Variants in SLCO2B1 observed in about 807,000 individuals in gnomAD.
SLCO2B1 encodes solute carrier organic anion transporter family member 2B1.
Under a neutral mutation model 67.3 loss-of-function variants are expected in SLCO2B1, and 41 were observed. The observed-to-expected ratio is 0.61, with a 90% CI of 0.47 to 0.79. The LOEUF (loss-of-function observed/expected upper bound fraction) is 0.79, where lower values mean the gene tolerates loss of function less well. Ranked by LOEUF, SLCO2B1 falls within the 30% of genes least tolerant of loss-of-function variation. The probability of loss-of-function intolerance (pLI) is 0.00; values close to 1 mark genes in which losing one functional copy is unlikely to be tolerated. For synonymous variants in SLCO2B1, 379 were observed against 381.4 expected, an observed-to-expected ratio of 0.99 and a Z score of 0.07; for missense variants, 837 against 920.1, an observed-to-expected ratio of 0.91 and a Z score of 1.17.
intron 8 of SLCO2B1, among the ~76,000 whole-genome samples, chr11:75,191,592 C>G (rs1272057289): frequency 6.6e-6 from 1 of 152,184 alleles, no homozygotes; most frequent in Non-Finnish European, 1.5e-5. Context: ...AACCAGCTGG[C>G]TTGGCCCTGC....
At chr11:75,186,771 A>G (rs1370848048) in intron 7 of SLCO2B1, among the ~76,000 whole-genome samples, 1 of 152,220 alleles carries the variant, frequency 6.6e-6, no homozygotes, top group Non-Finnish European at 1.5e-5. Flanking sequence ...CTGTGCCCAT[A>G]GCAACTTCTC....
In SLCO2B1 at chr11:75,179,218, A is replaced by ATTTTTTTTTTTTTTT. The variant is rs373993870; in HGVS notation, c.972+6662_972+6676dup. 2.8e-4 allele frequency among the ~76,000 whole-genome samples: 19 copies of ATTTTTTTTTTTTTTT among 66,686 alleles called. 6 individuals are homozygous for ATTTTTTTTTTTTTTT. Among genetic ancestry groups the ATTTTTTTTTTTTTTT allele is most frequent in the African/African-American group, 1.2e-3 (19 of 16,264 alleles). 43.7% of individuals were successfully genotyped at this position (66,686 alleles called of 152,430 possible). ...TGGGTATGTTTATTGGATACATGAG[A>ATTTTTTTTTTTTTTT]TTTTTTTTTTTTTTTTTTTTTTTTT... On this transcript the variant is annotated intron_variant, in intron 7 of 13. Transcript: ENST00000289575.
rs780048648 is a variant in SLCO2B1 at position 75,165,931 on chromosome 11, TACG to T, written c.433_435del (p.Asp145del). 3 of 1,614,052 alleles carry T rather than the reference TACG, an allele frequency of 1.9e-6. No individual in the cohort carries two copies. Among genetic ancestry groups the T allele is most frequent in the Non-Finnish European group, 2.5e-6 (3 of 1,179,952 alleles). On this transcript the variant is annotated inframe_deletion, in exon 4 of 14. Coordinates refer to ENST00000289575, the MANE Select transcript of SLCO2B1 (RefSeq NM_007256.5). ...GCACTTCATCTCGGAGCCATACCGC[TACG>T]ACAACACCAGCCCTGGTAAGAGCAG...
At position 75,203,300 on chromosome 11, in the gene SLCO2B1, C is replaced by T. The variant is rs753810368; in HGVS notation, c.1829-7C>T. On this transcript the variant is annotated splice_polypyrimidine_tract_variant and splice_region_variant and intron_variant, in intron 12 of 13. Coordinates refer to ENST00000289575, the MANE Select transcript of SLCO2B1 (RefSeq NM_007256.5). ...CTTCATTGTCCCCTGAGCACCACCTCCCTCAGCCTGGATGCCCAGCCCCGT... is the reference window on the plus strand; with the variant it reads ...CTTCATTGTCCCCTGAGCACCACCTTCCTCAGCCTGGATGCCCAGCCCCGT... 4 of 1,612,808 alleles carry T rather than the reference C, an allele frequency of 2.5e-6. No homozygotes were observed. The Admixed American group carries it at 5.0e-5, about 20-fold the overall frequency.
intron 1 of SLCO2B1, chr11:75,157,225 TA>T (rs1271103851): frequency 6.6e-6 from 1 of 152,236 alleles, no homozygotes; most frequent in Non-Finnish European, 1.5e-5. Context: ...GAAGTTTCTC[TA>T]AAGAACAATC....
At chr11:75,167,835 C>T (rs1457087897) in intron 4 of SLCO2B1, among the ~76,000 whole-genome samples, 2 of 151,844 alleles carry the variant, frequency 1.3e-5, no homozygotes, top group Non-Finnish European at 2.9e-5. Context: ...AGCTGCTGTT[C>T]TGAACTGCCG....
At chr11:75,153,378 G>T (rs772486356) in intron 1 of SLCO2B1, among the ~76,000 whole-genome samples, 1 of 152,196 alleles carries the variant, frequency 6.6e-6, no homozygotes, top group Non-Finnish European at 1.5e-5. Flanking sequence ...GCAGTCCCAG[G>T]TTCAAATTCC....
In SLCO2B1 at chr11:75,205,637, A is replaced by C. The variant is rs1267440713; in HGVS notation, c.*1057A>C. The C allele has an allele frequency of 2.0e-5, 3 of 152,274 alleles. No individual in the cohort carries two copies. The highest frequency in any genetic ancestry group is 6.5e-5 in the Admixed American group (1 of 15,290). The allele number at this position is 152,274 out of a possible 1,614,324, so 9.4% of individuals were successfully genotyped here. On this transcript the variant is annotated 3_prime_UTR_variant, in exon 14 of 14. Transcript: ENST00000289575. ...TTTGGGGGTGGCACCTGGTTCTCCG[A>C]TGCCTGGGCTGGTGTCAGGCCCAGG...
rs373993870 is a variant in SLCO2B1 at position 75,179,218 on chromosome 11, A to ATTTTTTTTTTTTTTTT, written c.972+6661_972+6676dup. On this transcript the variant is annotated intron_variant, in intron 7 of 13. Coordinates refer to ENST00000289575, the MANE Select transcript of SLCO2B1 (RefSeq NM_007256.5). The stretch of plus-strand genomic sequence containing the variant: ...TGGGTATGTTTATTGGATACATGAG[A>ATTTTTTTTTTTTTTTT]TTTTTTTTTTTTTTTTTTTTTTTTT... 1.0e-4 allele frequency among the ~76,000 whole-genome samples: 7 copies of ATTTTTTTTTTTTTTTT among 66,686 alleles called. 1 individual carries two copies. The highest frequency in any genetic ancestry group is 4.3e-4 in the African/African-American group (7 of 16,264). 43.7% of individuals were successfully genotyped at this position (66,686 alleles called of 152,430 possible).
At chr11:75,190,968 T>C (rs1215368690) in intron 8 of SLCO2B1, among the ~76,000 whole-genome samples, 1 of 152,210 alleles carries the variant, frequency 6.6e-6, no homozygotes, top group Non-Finnish European at 1.5e-5. Context: ...GTGAAAGGCA[T>C]AGCCTCTGCC....
rs1008111716 is a variant in SLCO2B1 at position 75,185,661 on chromosome 11, G to A, written c.973-2475G>A. On this transcript the variant is annotated intron_variant, in intron 7 of 13. Coordinates refer to ENST00000289575, the MANE Select transcript of SLCO2B1 (RefSeq NM_007256.5). ...GCTCTCACACAAGAAAGAATTCGGAGCAAGTCCATAGAGTAAAGTGAGAGC... is the reference window on the plus strand; with the variant it reads ...GCTCTCACACAAGAAAGAATTCGGAACAAGTCCATAGAGTAAAGTGAGAGC... 3.3e-5 allele frequency among the ~76,000 whole-genome samples: 5 copies of A among 152,124 alleles called. No homozygotes were observed. The South Asian group carries it at 1.0e-3, about 32-fold the overall frequency.
At chr11:75,199,337 C>A (rs1330399185) in intron 10 of SLCO2B1, among the ~76,000 whole-genome samples, 1 of 152,162 alleles carries the variant, frequency 6.6e-6, no homozygotes, top group Non-Finnish European at 1.5e-5. Flanking sequence ...TCTGATTCCA[C>A]CTGCTAAGTA....
chr11:75,183,765 C>T (rs1950115176), intron 7 of SLCO2B1, among the ~76,000 whole-genome samples: 1 of 152,192 alleles, frequency 6.6e-6, no homozygotes. Flanking sequence ...CTCAAGCAAT[C>T]CTGCTGCCTT....
chr11:75,164,040 A>G lies in SLCO2B1; in HGVS notation c.225A>G (p.Thr75=), dbSNP rs971399350. Residue 75 remains threonine, a synonymous_variant, in exon 3 of 14, where the codon ACA becomes ACG. Coordinates refer to ENST00000289575, the MANE Select transcript of SLCO2B1 (RefSeq NM_007256.5). The part of the protein sequence containing the change: ...ISGYLKSSIS[T]VEKRFGLSSQ... Reference sequence around the variant, plus strand: ...GCTACCTAAAGAGCTCCATCTCCACAGTGGAGAAGCGCTTCGGCCTCTCCA... The same window carrying G: ...GCTACCTAAAGAGCTCCATCTCCACGGTGGAGAAGCGCTTCGGCCTCTCCA... 2 of 1,607,860 alleles carry G rather than the reference A, an allele frequency of 1.2e-6. No homozygotes were observed. The highest frequency in any genetic ancestry group is 1.7e-6 in the Non-Finnish European group (2 of 1,177,318).
chr11:75,182,185 C>T (rs545316000), intron 7 of SLCO2B1, among the ~76,000 whole-genome samples: 4 of 152,326 alleles, frequency 2.6e-5, no homozygotes, highest in Non-Finnish European at 5.9e-5. Flanking sequence ...TCACTTCTCC[C>T]TGGATGTCAC....
Position 75,193,596 on chromosome 11 carries a change from G to A in SLCO2B1, c.1433+21G>A, listed in dbSNP as rs1265393248. Reference sequence around the variant, plus strand: ...ACCAGGTGAGTGTGTGCGTGGGCACGTAAAGGCAAGCCTGGGAGGACAGGA... The same window carrying A: ...ACCAGGTGAGTGTGTGCGTGGGCACATAAAGGCAAGCCTGGGAGGACAGGA... On this transcript the variant is annotated intron_variant, in intron 9 of 13. Coordinates refer to ENST00000289575, the MANE Select transcript of SLCO2B1 (RefSeq NM_007256.5). The surrounding 1 kb of genome is among the most constrained non-coding windows in gnomAD (Gnocchi z 4.2). 7.9e-6 allele frequency: 12 copies of A among 1,515,754 alleles called. No homozygotes were observed. The highest frequency in any genetic ancestry group is 1.4e-5 in the African/African-American group (1 of 72,284). 93.9% of individuals were successfully genotyped at this position (1,515,754 alleles called of 1,614,324 possible).
At chr11:75,159,431 C>T (rs1387765731) in intron 1 of SLCO2B1, among the ~76,000 whole-genome samples, 2 of 152,206 alleles carry the variant, frequency 1.3e-5, no homozygotes, top group Non-Finnish European at 2.9e-5. Flanking sequence ...AGGTTCAGTC[C>T]CATGGCCGTC....
chr11:75,154,271 A>G (rs1949722341), intron 1 of SLCO2B1, among the ~76,000 whole-genome samples: 1 of 149,484 alleles, frequency 6.7e-6, no homozygotes, highest in African/African-American at 2.5e-5. Context: ...CCATTTTCCA[A>G]ATGAGGGACA....
chr11:75,183,232 A>C (rs1358669551), intron 7 of SLCO2B1, among the ~76,000 whole-genome samples: 1 of 152,228 alleles, frequency 6.6e-6, no homozygotes, highest in African/African-American at 2.4e-5. Flanking sequence ...TTAATGATGA[A>C]ACATTTTCCT....
Sources: gnomAD v4.1 joint callset for allele counts (sites outside exome capture counted in the v4.1 genomes callset) on GRCh38, gnomAD v4.1.1 for gene constraint, Gnocchi (gnomAD v3.1) non-coding constraint, MANE v1.5 for transcripts, NCBI Gene and HGNC (gene_info 2026-07-23, HGNC 2026-07-21) for gene names.